The following FBXL13 variants were observed in gnomAD, a reference collection of about 807,000 sequenced individuals.
The protein encoded by FBXL13 is F-box and leucine rich repeat protein 13, also known as F-box and leucine-rich repeat protein 13.
A neutral mutation model predicts 83.6 loss-of-function variants in FBXL13; 67 were observed. The ratio of observed to expected loss-of-function variants is 0.80; its 90% CI spans 0.66 to 0.98. FBXL13 has a LOEUF of 0.98. FBXL13 is among the 50% of genes least tolerant of loss of function. The probability of loss-of-function intolerance (pLI) is 0.00; values close to 1 mark genes in which losing one functional copy is unlikely to be tolerated. For synonymous variants in FBXL13, 272 were observed against 299.5 expected (o/e 0.91, Z 0.95); for missense variants, 822 against 866.5 (o/e 0.95, Z 0.64).
At chr7:102,854,529 T>C (rs57776797) in intron 17 of FBXL13, among the ~76,000 whole-genome samples, 29,140 of 152,108 alleles carry the variant, frequency 0.19, 3,062 homozygotes, top group East Asian at 0.43. Flanking sequence ...AATTAAAAAA[T>C]AGTAAATATT....
At chr7:102,920,093 G>A (rs1816686469) in intron 10 of FBXL13, among the ~76,000 whole-genome samples, 1 of 152,206 alleles carries the variant, frequency 6.6e-6, no homozygotes, top group Admixed American at 6.5e-5. Flanking sequence ...AGGGACAATT[G>A]AAGTGTATTA....
intron 6 of FBXL13, among the ~76,000 whole-genome samples, chr7:103,008,877 CA>C (rs1791278246): frequency 6.6e-6 from 1 of 151,774 alleles, no homozygotes; most frequent in South Asian, 2.1e-4. Context: ...TTATTTAAAG[CA>C]AAAATAAATT....
At chr7:102,860,240 T>C (rs984112025) in intron 16 of FBXL13, among the ~76,000 whole-genome samples, 7 of 152,138 alleles carry the variant, frequency 4.6e-5, no homozygotes, top group African/African-American at 1.7e-4. Flanking sequence ...ACCAACTCAT[T>C]CTCTACAGAA....
intron 8 of FBXL13, among the ~76,000 whole-genome samples, chr7:102,962,645 T>C (rs1469484979): frequency 1.3e-5 from 2 of 151,994 alleles, no homozygotes; most frequent in Non-Finnish European, 2.9e-5. Context: ...TGGAATACTA[T>C]GCAGCCATAA....
At chr7:102,994,367 A>G (rs1829879592) in intron 6 of FBXL13, among the ~76,000 whole-genome samples, 1 of 151,482 alleles carries the variant, frequency 6.6e-6, no homozygotes, top group Non-Finnish European at 1.5e-5. Context: ...ATTCTTAATT[A>G]TTGCTTTTTG....
intron 8 of FBXL13, among the ~76,000 whole-genome samples, chr7:102,941,398 T>C (rs895112316): frequency 4.6e-5 from 7 of 152,086 alleles, no homozygotes; most frequent in African/African-American, 1.2e-4. Flanking sequence ...ACCTGACCAA[T>C]CAGCACTCCC....
intron 11 of FBXL13, among the ~76,000 whole-genome samples, chr7:102,890,111 T>C (rs1224203198): frequency 1.3e-5 from 2 of 152,232 alleles, no homozygotes; most frequent in Admixed American, 1.3e-4. Context: ...ATTTGGCTAA[T>C]ATTTTATGAC....
intron 8 of FBXL13, among the ~76,000 whole-genome samples, chr7:102,956,431 T>C (rs1271018674): frequency 6.6e-6 from 1 of 152,208 alleles, no homozygotes; most frequent in African/African-American, 2.4e-5. Flanking sequence ...AATATCATAC[T>C]GAATGGGCAA....
In FBXL13 at chr7:103,069,042, G is replaced by A. The variant is rs866507334; in HGVS notation, c.-105+5204C>T. 7.0e-4 allele frequency among the ~76,000 whole-genome samples: 82 copies of A among 116,352 alleles called. 1 individual carries two copies. In the Middle Eastern group the frequency reaches 0.03, roughly 43 times the overall value. 76.3% of individuals were successfully genotyped at this position (116,352 alleles called of 152,430 possible). A position where few individuals can be genotyped will look rare whatever the true frequency, so the allele number is the denominator to read the frequency against. On this transcript the variant is annotated intron_variant, in intron 1 of 19. Transcript: ENST00000313221. Reference sequence around the variant, plus strand: ...AGCGCCTCTGCCCGGCCGCCCCACCGTCTGGGAAGTGAGGAGCACCTCTGC... The same window carrying A: ...AGCGCCTCTGCCCGGCCGCCCCACCATCTGGGAAGTGAGGAGCACCTCTGC...
intron 6 of FBXL13, among the ~76,000 whole-genome samples, chr7:103,012,422 T>C (rs1368675240): frequency 1.3e-5 from 2 of 150,586 alleles, no homozygotes; most frequent in East Asian, 3.9e-4. Flanking sequence ...GCAGGTCATC[T>C]GCTAAGAGAA....
At chr7:103,039,695 T>C (rs1388202603) in intron 2 of FBXL13, among the ~76,000 whole-genome samples, 1 of 152,134 alleles carries the variant, frequency 6.6e-6, no homozygotes, top group Admixed American at 6.5e-5. Context: ...GAAAAGAATT[T>C]TCAACCCAGA....
intron 11 of FBXL13, among the ~76,000 whole-genome samples, chr7:102,888,058 T>C (rs1811032084): frequency 6.6e-6 from 1 of 152,214 alleles, no homozygotes; most frequent in Non-Finnish European, 1.5e-5. Context: ...AACTAATAAA[T>C]GGCCCACGAC....
chr7:102,893,747 G>A (rs1811836265), intron 11 of FBXL13, among the ~76,000 whole-genome samples: 1 of 136,538 alleles, frequency 7.3e-6, no homozygotes, highest in Non-Finnish European at 1.5e-5. Flanking sequence ...CAGCCTGGGT[G>A]ACAGAGCAAG....
At chr7:102,821,998 A>C (rs1318526089) in intron 19 of FBXL13, 42 bp downstream of exon 20, 1 of 1,595,170 alleles carries the variant, frequency 6.3e-7, no homozygotes. Flanking sequence ...TTTTCTCAGA[A>C]AGTAGTTCTC....
intron 16 of FBXL13, 131 bp downstream of exon 17, chr7:102,877,336 T>A: frequency 1.3e-6 from 1 of 758,428 alleles, no homozygotes; most frequent in Non-Finnish European, 1.9e-6. Context: ...AGAAACAATA[T>A]CCCTAAACTT....
Position 102,998,818 on chromosome 7 carries a change from CAATAAT to C in FBXL13, c.495+26239_495+26244del, listed in dbSNP as rs928330597. 5.9e-5 allele frequency among the ~76,000 whole-genome samples: 9 copies of C among 151,622 alleles called. No homozygotes were observed. The South Asian group carries it at 1.9e-3, about 32-fold the overall frequency. ...TCCATCTCTACAAATAAAATAATAA[CAATAAT>C]AATAATAATTAAAATTAAAAATATA... On this transcript the variant is annotated intron_variant, in intron 6 of 19. Transcript: ENST00000313221.
At chr7:102,858,428 G>T (rs1007695596) in intron 16 of FBXL13, among the ~76,000 whole-genome samples, 1 of 152,214 alleles carries the variant, frequency 6.6e-6, no homozygotes, top group African/African-American at 2.4e-5. Context: ...AACTAGAAGA[G>T]AGGATCTTTA....
chr7:102,836,487 A>C (rs1216996297), intron 17 of FBXL13, among the ~76,000 whole-genome samples: 1 of 152,240 alleles, frequency 6.6e-6, no homozygotes, highest in African/African-American at 2.4e-5. Context: ...ATGCTGCAGA[A>C]TCATACTTCT....
chr7:102,926,237 A>G, intron 10 of FBXL13, 37 bp downstream of exon 11: 1 of 1,581,400 alleles, frequency 6.3e-7, no homozygotes, highest in Non-Finnish European at 8.6e-7. Context: ...TGGGAGCATA[A>G]TTTTTTTCAG....
Sources: allele counts gnomAD v4.1 joint callset (sites outside exome capture counted in the v4.1 genomes callset), GRCh38; gene constraint gnomAD v4.1.1; transcripts MANE v1.5; gene names NCBI Gene and HGNC (gene_info 2026-07-23, HGNC 2026-07-21).